Variants in DOCK4 observed in about 807,000 individuals in gnomAD.
DOCK4 encodes the protein dedicator of cytokinesis 4.
DOCK4 carries 97 observed loss-of-function variants against 268.1 expected under a neutral mutation model. The ratio of observed to expected loss-of-function variants is 0.36; its 90% confidence interval spans 0.31 to 0.43. The LOEUF is 0.43. Ranked by LOEUF, DOCK4 falls within the 20% of genes least tolerant of loss-of-function variation. The probability of loss-of-function intolerance (pLI) is 1.00; values close to 1 mark genes in which losing one functional copy is unlikely to be tolerated. For synonymous variants in DOCK4, 954 were observed against 887.2 expected (o/e 1.08, Z -1.34); for missense variants, 2,145 against 2,455.7 (o/e 0.87, Z 2.67).
chr7:111,745,876 G>A (rs1796229227), intron 44 of DOCK4, among the ~76,000 whole-genome samples: 1 of 151,878 alleles, frequency 6.6e-6, no homozygotes, highest in Non-Finnish European at 1.5e-5. Flanking sequence ...CATCCCACAA[G>A]TGGAAAATTC....
intron 27 of DOCK4, among the ~76,000 whole-genome samples, chr7:111,817,733 T>C (rs896189834): frequency 6.6e-6 from 1 of 152,168 alleles, no homozygotes; most frequent in South Asian, 2.1e-4. Flanking sequence ...AACAGGGCCA[T>C]GCCTATTAGT....
chr7:111,872,571 A>T lies in DOCK4; in HGVS notation c.1745-7T>A. 1 of 1,577,900 alleles carries T rather than the reference A, an allele frequency of 6.3e-7. No homozygotes were observed. Among genetic ancestry groups the T allele is most frequent in the African/African-American group, 1.3e-5 (1 of 74,136 alleles). Reference sequence around the variant, plus strand: ...AAAAGATCAAGCATATCACCTTTCAAAATAGAAAAGGAAGATTAATTGCCT... The same window carrying T: ...AAAAGATCAAGCATATCACCTTTCATAATAGAAAAGGAAGATTAATTGCCT... On this transcript the variant is annotated splice_region_variant and splice_polypyrimidine_tract_variant and intron_variant, in intron 17 of 52. Coordinates refer to ENST00000428084, the MANE Select transcript of DOCK4 (RefSeq NM_001363540.2).
intron 1 of DOCK4, among the ~76,000 whole-genome samples, chr7:112,109,346 A>T (rs1220220490): frequency 6.6e-6 from 1 of 152,230 alleles, no homozygotes; most frequent in East Asian, 1.9e-4. Context: ...TTAGGTTTCC[A>T]GAGGACATAG....
At chr7:111,744,224 G>A (rs1796117049) in intron 44 of DOCK4, among the ~76,000 whole-genome samples, 1 of 152,170 alleles carries the variant, frequency 6.6e-6, no homozygotes, top group Non-Finnish European at 1.5e-5. Context: ...TCCCTGAAGG[G>A]CCTGACAGCT....
intron 11 of DOCK4, among the ~76,000 whole-genome samples, chr7:111,937,924 G>A (rs903713099): frequency 6.6e-6 from 1 of 152,170 alleles, no homozygotes; most frequent in Non-Finnish European, 1.5e-5. Context: ...AAAAGGATAC[G>A]ACACATGCAA....
Position 111,728,559 on chromosome 7 carries a change from C to T in DOCK4, c.5643G>A (p.Gln1881=). Residue 1881 remains glutamine, a synonymous_variant, in exon 53 of 53, where the codon CAG becomes CAA. Transcript: ENST00000428084. ...TSGFENQVNE[Q]SAPLPVPVPV... ...GCACTGGCACCGGCAGGGGGGCCGA[C>T]TGTTCATTCACCTGATTTTCAAAGC... 1 of 1,613,986 alleles carries T rather than the reference C, an allele frequency of 6.2e-7. No homozygotes were observed. The highest frequency in any genetic ancestry group is 1.1e-5 in the South Asian group (1 of 91,088).
intron 1 of DOCK4, among the ~76,000 whole-genome samples, chr7:112,056,388 T>A (rs17159210): frequency 0.027 from 4,042 of 152,228 alleles, 216 homozygotes; most frequent in East Asian, 0.2. Flanking sequence ...ACAAAATAGA[T>A]AACAGATATT....
intron 1 of DOCK4, among the ~76,000 whole-genome samples, chr7:112,119,817 G>A (rs774974102): frequency 1.3e-4 from 19 of 151,118 alleles, no homozygotes; most frequent in East Asian, 2.0e-4. Context: ...AGTGCCTGGC[G>A]TATATTTAGT....
At chr7:111,908,137 T>C (rs1433379837) in intron 13 of DOCK4, among the ~76,000 whole-genome samples, 1 of 152,178 alleles carries the variant, frequency 6.6e-6, no homozygotes, top group African/African-American at 2.4e-5. Flanking sequence ...TGTATTTCTC[T>C]ATCAGTACAT....
chr7:111,786,976 C>T (rs1266296752), intron 32 of DOCK4, among the ~76,000 whole-genome samples: 2 of 152,078 alleles, frequency 1.3e-5, no homozygotes, highest in Admixed American at 1.3e-4. Context: ...TAAAAATCAA[C>T]AAAAGTATAA....
intron 1 of DOCK4, among the ~76,000 whole-genome samples, chr7:112,109,675 A>T (rs1260032353): frequency 6.6e-6 from 1 of 152,132 alleles, no homozygotes; most frequent in East Asian, 1.9e-4. Flanking sequence ...CAACTGCTAC[A>T]TATTTGTGAG....
rs35033313 is a variant in DOCK4, at chr7:111,791,070, T to TTATATATATATATATATATATA, written c.3167-487_3167-466dup. ...AAGACTCTGTCTCAAAAAAAAAAAA[T>TTATATATATATATATATATATA]TATATATATATATATATATATATAT... is the stretch of plus-strand genomic sequence containing the variant. On this transcript the variant is annotated intron_variant, in intron 30 of 52. Coordinates refer to ENST00000428084, the MANE Select transcript of DOCK4 (RefSeq NM_001363540.2). Among the ~76,000 whole-genome samples, 62 of 95,410 alleles carry TTATATATATATATATATATATA rather than the reference T, an allele frequency of 6.5e-4. 2 individuals carry two copies. Among genetic ancestry groups the TTATATATATATATATATATATA allele is most frequent in the African/African-American group, 3.6e-3 (59 of 16,504 alleles). 62.6% of individuals were successfully genotyped at this position (95,410 alleles called of 152,430 possible).
At chr7:111,767,612 G>A (rs1226097767) in intron 37 of DOCK4, among the ~76,000 whole-genome samples, 2 of 152,124 alleles carry the variant, frequency 1.3e-5, no homozygotes, top group Admixed American at 1.3e-4. Flanking sequence ...TCCTTTGAAT[G>A]CTGGAAACGA....
intron 26 of DOCK4, among the ~76,000 whole-genome samples, chr7:111,824,035 C>T (rs930302037): frequency 1.6e-4 from 25 of 152,116 alleles, no homozygotes; most frequent in African/African-American, 4.8e-4. Flanking sequence ...ATGTAGTATG[C>T]GCCATGTGGA....
intron 27 of DOCK4, among the ~76,000 whole-genome samples, chr7:111,818,673 T>C (rs1255794430): frequency 6.6e-6 from 1 of 152,342 alleles, no homozygotes; most frequent in East Asian, 1.9e-4. Context: ...TCTCCACATA[T>C]CAATATCTGG....
chr7:111,727,018 T>C lies in DOCK4; in HGVS notation c.*1256A>G, dbSNP rs901981443. The C allele has an allele frequency of 1.3e-5, 2 of 152,596 alleles. No individual in the cohort carries two copies. The highest frequency in any genetic ancestry group is 2.9e-5 in the Non-Finnish European group (2 of 68,018). The allele number at this position is 152,596 out of a possible 1,614,324, so 9.5% of individuals were successfully genotyped here. A position where few individuals can be genotyped will look rare whatever the true frequency, so the allele number is the denominator to read the frequency against. ...AAATATTTAACAGTATGATTTAAAATACAGTTCATATCTATTGTCAATTGA... is the reference window on the plus strand; with the variant it reads ...AAATATTTAACAGTATGATTTAAAACACAGTTCATATCTATTGTCAATTGA... On this transcript the variant is annotated 3_prime_UTR_variant, in exon 53 of 53. Transcript: ENST00000428084.
intron 1 of DOCK4, among the ~76,000 whole-genome samples, chr7:112,066,691 A>ATGTATGTATGTATGTATGTGTG (rs1807053188): frequency 9.8e-4 from 6 of 6,130 alleles, no homozygotes; most frequent in African/African-American, 2.1e-3. Context: ...ATACATATAC[A>ATGTATGTATGTATGTATGTGTG]TATATATATA....
chr7:111,945,915 T>C (rs1209521700), intron 8 of DOCK4, 117 bp from the exon 9 acceptor site: 1 of 706,298 alleles, frequency 1.4e-6, no homozygotes, highest in East Asian at 2.8e-5. Context: ...TCATTTAACA[T>C]CAACATTGCT....
At chr7:112,090,895 G>A (rs1397202847) in intron 1 of DOCK4, among the ~76,000 whole-genome samples, 8 of 152,124 alleles carry the variant, frequency 5.3e-5, no homozygotes, top group Non-Finnish European at 1.2e-4. Context: ...AGAGCTAGAA[G>A]TGGCAGGGGG....
Sources: gnomAD v4.1 joint callset for allele counts (sites outside exome capture counted in the v4.1 genomes callset) on GRCh38, gnomAD v4.1.1 for gene constraint, MANE v1.5 for transcripts, NCBI Gene and HGNC (gene_info 2026-07-23, HGNC 2026-07-21) for gene names.